The following STAU1 variants were observed in gnomAD, a reference collection of about 807,000 sequenced individuals.
The protein encoded by STAU1 is staufen double-stranded RNA binding protein 1.
In STAU1, 13 loss-of-function variants were observed where a neutral mutation model predicts 62.9. The observed-to-expected ratio is 0.21, with a 90% confidence interval of 0.13 to 0.33. The LOEUF is 0.33. STAU1 is among the 10% of genes least tolerant of loss of function. The probability of loss-of-function intolerance (pLI) is 1.00; values close to 1 mark genes in which losing one functional copy is unlikely to be tolerated. For synonymous variants in STAU1, 269 were observed against 265.1 expected (o/e 1.01, Z -0.14); for missense variants, 571 against 712.1 (o/e 0.80, Z 2.25).
chr20:49,214,924 A>C, the STAU1 span, among the ~76,000 whole-genome samples: 2 of 152,250 alleles, frequency 1.3e-5, no homozygotes, highest in Non-Finnish European at 2.9e-5. Flanking sequence ...AGTTAGGATT[A>C]GATTCAGTTG....
intron 3 of STAU1, chr20:49,158,309 CT>C: frequency 4.8e-6 from 3 of 627,526 alleles, no homozygotes; most frequent in South Asian, 3.7e-5. Context: ...TTAATTGAAG[CT>C]TTTATTCTTC....
At chr20:49,130,033 C>CAGTAGATTTATTAATAATCACCA (rs2145961003) in intron 6 of STAU1, among the ~76,000 whole-genome samples, 1 of 152,220 alleles carries the variant, frequency 6.6e-6, no homozygotes, top group Non-Finnish European at 1.5e-5. Flanking sequence ...TAAATGTTTA[C>CAGTAGATTTATTAATAATCACCA]AGTAGATTTA....
intron 4 of STAU1, among the ~76,000 whole-genome samples, 175 bp from the exon 5 acceptor site, chr20:49,151,922 A>T (rs1200704785): frequency 6.6e-6 from 1 of 152,226 alleles, no homozygotes; most frequent in African/African-American, 2.4e-5. Context: ...CTGGATTAGA[A>T]TTGCTACACA....
At chr20:49,130,991 C>G (rs1453947285) in intron 6 of STAU1, among the ~76,000 whole-genome samples, 1 of 152,036 alleles carries the variant, frequency 6.6e-6, no homozygotes, top group South Asian at 2.1e-4. Context: ...AAGGCCCAGC[C>G]TTCAAACATC....
intron 4 of STAU1, among the ~76,000 whole-genome samples, 197 bp downstream of exon 4, chr20:49,153,736 A>G (rs1156977422): frequency 5.5e-5 from 8 of 146,736 alleles, no homozygotes; most frequent in Non-Finnish European, 7.5e-5. Context: ...AAAAAAAAAA[A>G]AAAAAAGAAA....
At chr20:49,129,248 C>T (rs989868277) in intron 6 of STAU1, among the ~76,000 whole-genome samples, 22 of 149,344 alleles carry the variant, frequency 1.5e-4, no homozygotes, top group Non-Finnish European at 3.0e-4. Context: ...CAAGATACTA[C>T]TGACTACCTG....
chr20:49,161,094 A>G (rs1328831295), intron 3 of STAU1, among the ~76,000 whole-genome samples: 2 of 151,992 alleles, frequency 1.3e-5, no homozygotes, highest in African/African-American at 4.8e-5. Context: ...CAAGGCAGGC[A>G]GATTGTTTGA....
chr20:49,196,329 G>C, the STAU1 span, among the ~76,000 whole-genome samples: 289 of 150,896 alleles, frequency 1.9e-3, 3 homozygotes, highest in African/African-American at 6.1e-3. Flanking sequence ...CCAGCTACTC[G>C]GGAGGCTGAG....
At chr20:49,171,555 G>C (rs1465476992) in intron 2 of STAU1, among the ~76,000 whole-genome samples, 1 of 152,172 alleles carries the variant, frequency 6.6e-6, no homozygotes, top group Non-Finnish European at 1.5e-5. Flanking sequence ...CCGAAGTGCT[G>C]GGATTACAAG....
At chr20:49,169,067 T>TA (rs1386565807) in intron 2 of STAU1, among the ~76,000 whole-genome samples, 3 of 151,894 alleles carry the variant, frequency 2.0e-5, no homozygotes, top group Non-Finnish European at 4.4e-5. Context: ...TTTCCTGCCT[T>TA]AGTCTCCCGA....
intron 6 of STAU1, chr20:49,134,449 A>AAAAAAAAAAAAAAAAAAAAAAAG: frequency 1.6e-6 from 1 of 609,618 alleles, no homozygotes. Flanking sequence ...AAAAAAAAAA[A>AAAAAAAAAAAAAAAAAAAAAAAG]GCTCTGGGTT....
intron 2 of STAU1, among the ~76,000 whole-genome samples, chr20:49,172,669 A>C (rs1232656254): frequency 2.0e-5 from 3 of 152,176 alleles, no homozygotes; most frequent in Non-Finnish European, 4.4e-5. Flanking sequence ...TCAGTTTCTA[A>C]GAAACCACCC....
intron 2 of STAU1, among the ~76,000 whole-genome samples, chr20:49,167,394 A>G (rs2146406840): frequency 6.6e-6 from 1 of 152,326 alleles, no homozygotes; most frequent in East Asian, 1.9e-4. Flanking sequence ...AAAGAGATGA[A>G]TGACCAGAGC....
Position 49,124,491 on chromosome 20 carries a change from T to A in STAU1, c.706A>T (p.Ile236Phe), listed in dbSNP as rs1280687355. The A allele has an allele frequency of 6.2e-7, 1 of 1,614,170 alleles. No individual in the cohort carries two copies. Among genetic ancestry groups the A allele is most frequent in the East Asian group, 2.2e-5 (1 of 44,892 alleles). ...GCTATGGCGGCATTTTTCTTTGAAA[T>A]CTTCTTGCTTTTCCCTTCACCTTCC... ...VGEGEGKSKK[I>F]SKKNAAIAVL... is the part of the protein sequence containing the mutation. The change falls in exon 7 of 14, where the codon ATT becomes TTT. Residue 236 changes from isoleucine to phenylalanine, a missense_variant. Physicochemically the swap from Ile to Phe is conservative, Grantham distance 21. Coordinates refer to ENST00000371856, the MANE Select transcript of STAU1 (RefSeq NM_017453.4).
At chr20:49,150,332 A>G (rs181913531) in intron 5 of STAU1, among the ~76,000 whole-genome samples, 4 of 152,196 alleles carry the variant, frequency 2.6e-5, no homozygotes, top group African/African-American at 7.2e-5. Flanking sequence ...GTACACTTAC[A>G]ATAGTCAATT....
At chr20:49,125,445 C>G (rs1050204746) in intron 6 of STAU1, among the ~76,000 whole-genome samples, 7 of 149,694 alleles carry the variant, frequency 4.7e-5, no homozygotes, top group Non-Finnish European at 3.0e-5. Context: ...CACAAAAACC[C>G]CTTGAACCTG....
At chr20:49,173,804 GA>G (rs2093626735) in intron 2 of STAU1, among the ~76,000 whole-genome samples, 1 of 152,012 alleles carries the variant, frequency 6.6e-6, no homozygotes, top group African/African-American at 2.4e-5. Context: ...TCTCACAATA[GA>G]AAACAATGCT....
rs766781064 is a variant in STAU1, at chr20:49,140,843, AAAT to A, written c.511-4915_511-4913del. Among the ~76,000 whole-genome samples the A allele has an allele frequency of 9.8e-5, 15 of 152,350 alleles. 1 individual carries two copies. The highest frequency in any genetic ancestry group is 8.3e-4 in the South Asian group (4 of 4,830). On this transcript the variant is annotated intron_variant, in intron 5 of 13. Coordinates refer to ENST00000371856, the MANE Select transcript of STAU1 (RefSeq NM_017453.4). Reference sequence around the variant, plus strand: ...AGCAGCAACAAAAATGTTTCACACCAAATATTAAGATACCAGAAATCATCAACA... The same window carrying A: ...AGCAGCAACAAAAATGTTTCACACCAATTAAGATACCAGAAATCATCAACA...
chr20:49,217,676 A>AATAT, the STAU1 span, among the ~76,000 whole-genome samples: 123 of 135,912 alleles, frequency 9.0e-4, 1 homozygote, highest in South Asian at 5.1e-3. Flanking sequence ...TTCCTTTTAA[A>AATAT]ATATATATAT....
Sources: allele counts gnomAD v4.1 joint callset (sites outside exome capture counted in the v4.1 genomes callset), GRCh38; gene constraint gnomAD v4.1.1; transcripts MANE v1.5; gene names NCBI Gene and HGNC (gene_info 2026-07-23, HGNC 2026-07-21).